GALNT12: variants seen among roughly 807,000 people sequenced by gnomAD.
The protein encoded by GALNT12 is polypeptide N-acetylgalactosaminyltransferase 12, also known as UDP-GalNAc:polypeptide N-acetylgalactosaminyltransferase 12.
In GALNT12, 45 loss-of-function variants were observed where a neutral mutation model predicts 55.5. The ratio of observed to expected loss-of-function variants is 0.81; its 90% confidence interval spans 0.64 to 1.04. The LOEUF (loss-of-function observed/expected upper bound fraction) is 1.04, where lower values mean the gene tolerates loss of function less well. Ranked by LOEUF, GALNT12 falls within the 50% of genes least tolerant of loss-of-function variation. The pLI is 0.00. For synonymous variants in GALNT12, 304 were observed against 312.2 expected (o/e 0.97, Z 0.28); for missense variants, 709 against 754.8 (o/e 0.94, Z 0.71).
chr9:98,811,779 TTCA>T (rs1835501860), intron 1 of GALNT12, among the ~76,000 whole-genome samples: 1 of 148,294 alleles, frequency 6.7e-6, no homozygotes, highest in Non-Finnish European at 1.5e-5. Flanking sequence ...ACCTCCTGGG[TTCA>T]AGCCATTCTC....
At chr9:98,809,886 A>G (rs1478804223) in intron 1 of GALNT12, among the ~76,000 whole-genome samples, 1 of 152,174 alleles carries the variant, frequency 6.6e-6, no homozygotes, top group Non-Finnish European at 1.5e-5. Flanking sequence ...GTGTCCTCTC[A>G]GGATTTGCTT....
chr9:98,821,145 G>T (rs1835725362), intron 1 of GALNT12, among the ~76,000 whole-genome samples: 1 of 152,104 alleles, frequency 6.6e-6, no homozygotes, highest in African/African-American at 2.4e-5. Context: ...GAGTAGCTGA[G>T]GTTATAGGCG....
intron 1 of GALNT12, among the ~76,000 whole-genome samples, chr9:98,814,840 A>T (rs1835576385): frequency 6.6e-6 from 1 of 152,208 alleles, no homozygotes; most frequent in African/African-American, 2.4e-5. Flanking sequence ...TGTGTATAAA[A>T]TGCTTATATG....
At chr9:98,816,166 C>T (rs1438573217) in intron 1 of GALNT12, among the ~76,000 whole-genome samples, 1 of 152,040 alleles carries the variant, frequency 6.6e-6, no homozygotes, top group African/African-American at 2.4e-5. Flanking sequence ...ATTTTTACAA[C>T]AAGCCTCCTT....
chr9:98,828,443 C>T (rs529617084), intron 3 of GALNT12, among the ~76,000 whole-genome samples: 2 of 152,298 alleles, frequency 1.3e-5, no homozygotes, highest in African/African-American at 2.4e-5. Flanking sequence ...CCCCTTCCTT[C>T]GTTCCCCCAC....
intron 3 of GALNT12, among the ~76,000 whole-genome samples, chr9:98,831,571 G>A (rs1254971638): frequency 6.6e-6 from 1 of 152,124 alleles, no homozygotes; most frequent in African/African-American, 2.4e-5. Context: ...AGCCCTCCGT[G>A]GCCCCCAGAT....
intron 9 of GALNT12, chr9:98,848,711 T>A (rs1836475576): frequency 1.7e-6 from 1 of 572,326 alleles, no homozygotes; most frequent in Non-Finnish European, 3.1e-6. Context: ...GTATGACACA[T>A]GCCCAGAGCA....
Position 98,837,135 on chromosome 9 carries a change from C to T in GALNT12, c.1199C>T (p.Pro400Leu). The change falls in exon 6 of 10, where the codon CCC (proline) becomes CTC (leucine). Residue 400 changes from proline to leucine, a missense_variant. By Grantham distance (98) the Pro-to-Leu change is moderately conservative. Coordinates refer to ENST00000375011, the MANE Select transcript of GALNT12 (RefSeq NM_024642.5). ...AAAGAGCTCTACTACCATCGCAACC[C>T]CCGTGCCCGCTTGGTGAGTTCCTCG... ...EFKELYYHRN[P>L]RARLEPFGDV... 1 of 1,614,156 alleles carries T rather than the reference C, an allele frequency of 6.2e-7. No individual in the cohort carries two copies. Among genetic ancestry groups the T allele is most frequent in the South Asian group, 1.1e-5 (1 of 91,084 alleles).
At chr9:98,837,847 G>C (rs76947563) in intron 6 of GALNT12, among the ~76,000 whole-genome samples, 2,298 of 152,322 alleles carry the variant, frequency 0.015, 65 homozygotes, top group African/African-American at 0.053. Flanking sequence ...CCATGAATGT[G>C]TGTGAAAATT....
intron 9 of GALNT12, among the ~76,000 whole-genome samples, chr9:98,847,811 CTT>C (rs754967420): frequency 0.18 from 22,668 of 123,110 alleles, 2,395 homozygotes; most frequent in East Asian, 0.39. Context: ...AGGGCTGGAT[CTT>C]TTTTTTTTTT....
Position 98,849,651 on chromosome 9 carries a change from G to T in GALNT12, c.*559G>T. On this transcript the variant is annotated 3_prime_UTR_variant, in exon 10 of 10. Transcript: ENST00000375011. ...ATGTATTTTAAAAAGAATGCTTTTT[G>T]GTTATGTGTTGCTACCACAGTTAAC... The T allele has an allele frequency of 7.3e-6, 3 of 409,454 alleles. No individual in the cohort carries two copies. The South Asian group carries it at 3.2e-4, about 44-fold the overall frequency. 25.4% of individuals were successfully genotyped at this position (409,454 alleles called of 1,614,324 possible). A position where few individuals can be genotyped will look rare whatever the true frequency, so the allele number is the denominator to read the frequency against.
chr9:98,843,840 G>A (rs1035727213), intron 7 of GALNT12, among the ~76,000 whole-genome samples: 7 of 152,180 alleles, frequency 4.6e-5, no homozygotes, highest in African/African-American at 1.7e-4. Context: ...GAAAGAGAGA[G>A]GAGCTTTCAG....
chr9:98,809,207 G>A (rs540288384), intron 1 of GALNT12, among the ~76,000 whole-genome samples: 7 of 152,328 alleles, frequency 4.6e-5, no homozygotes, highest in Middle Eastern at 3.4e-3. Flanking sequence ...ATGAATGATG[G>A]AATGAGGATG....
chr9:98,842,845 T>C (rs1489292157), intron 7 of GALNT12, among the ~76,000 whole-genome samples: 2 of 152,238 alleles, frequency 1.3e-5, no homozygotes, highest in Non-Finnish European at 1.5e-5. Context: ...TTTAACTCAG[T>C]ATATCCCAAA....
chr9:98,821,086 A>G (rs978516120), intron 1 of GALNT12, among the ~76,000 whole-genome samples: 1 of 152,170 alleles, frequency 6.6e-6, no homozygotes, highest in Non-Finnish European at 1.5e-5. Context: ...TAGGCTCACT[A>G]CAACCTCCAT....
chr9:98,844,671 C>T (rs10987948), intron 8 of GALNT12: 27,080 of 221,528 alleles, frequency 0.12, 2,359 homozygotes, highest in East Asian at 0.32. Flanking sequence ...CAGATGATTT[C>T]CTTAGAATTA....
chr9:98,820,202 A>T (rs1174334729), intron 1 of GALNT12, among the ~76,000 whole-genome samples: 4 of 152,128 alleles, frequency 2.6e-5, no homozygotes, highest in South Asian at 2.1e-4. Flanking sequence ...TCACCTAGGT[A>T]TTAAGCCCAG....
intron 2 of GALNT12, among the ~76,000 whole-genome samples, chr9:98,825,360 C>G (rs1245325199): frequency 1.3e-5 from 2 of 152,214 alleles, no homozygotes. Context: ...CCAAGCTTCC[C>G]TTCCTGTCAT....
intron 3 of GALNT12, among the ~76,000 whole-genome samples, chr9:98,827,824 G>A (rs546941402): frequency 6.6e-6 from 1 of 152,230 alleles, no homozygotes; most frequent in East Asian, 1.9e-4. Flanking sequence ...TGTTATAGAG[G>A]AAGGGTCCCT....
Sources: allele counts gnomAD v4.1 joint callset (sites outside exome capture counted in the v4.1 genomes callset), GRCh38; gene constraint gnomAD v4.1.1; transcripts MANE v1.5; gene names NCBI Gene and HGNC (gene_info 2026-07-23, HGNC 2026-07-21).